ZBTB49: variants seen among roughly 807,000 people sequenced by gnomAD.
The protein encoded by ZBTB49 is zinc finger and BTB domain-containing protein 49.
In ZBTB49, 43 loss-of-function variants were observed where a neutral mutation model predicts 57.5. The observed-to-expected ratio is 0.75, with a 90% CI of 0.59 to 0.97. ZBTB49 has a LOEUF of 0.97. Ranked by LOEUF, ZBTB49 falls within the 50% of genes least tolerant of loss-of-function variation. The pLI, the probability that ZBTB49 is intolerant of heterozygous loss-of-function variation, is 0.00. For synonymous variants in ZBTB49, 369 were observed against 362.1 expected, an observed-to-expected ratio of 1.02 and a Z score of -0.22; for missense variants, 938 against 947.7, an observed-to-expected ratio of 0.99 and a Z score of 0.13.
In ZBTB49 at chr4:4,315,620, T is replaced by A. The variant is rs1234259151; in HGVS notation, c.1377-16T>A. On this transcript the variant is annotated splice_polypyrimidine_tract_variant and intron_variant, in intron 5 of 7. Coordinates refer to ENST00000337872, the MANE Select transcript of ZBTB49 (RefSeq NM_145291.4). ...TGTGGAAAGGCTCTTAATTGAATTT[T>A]CAAATTACATTCTAGGTTTGCAGCC... 2 of 1,612,994 alleles carry A rather than the reference T, an allele frequency of 1.2e-6. No homozygotes were observed. The highest frequency in any genetic ancestry group is 1.7e-6 in the Non-Finnish European group (2 of 1,179,428).
In ZBTB49 at chr4:4,321,481, G is replaced by A. The variant is rs1560119152; in HGVS notation, c.*165G>A. 1 of 805,296 alleles carries A rather than the reference G, an allele frequency of 1.2e-6. No individual in the cohort carries two copies. Among genetic ancestry groups the A allele is most frequent in the East Asian group, 2.7e-5 (1 of 36,820 alleles). 49.9% of individuals were successfully genotyped at this position (805,296 alleles called of 1,614,324 possible). The stretch of plus-strand genomic sequence containing the variant: ...TAATCTGAAGCATCTTGAGCTGGGG[G>A]TGTGAGGGGGAGGGCCTGCTGGCTC... On this transcript the variant is annotated 3_prime_UTR_variant, in exon 8 of 8. Coordinates refer to ENST00000337872, the MANE Select transcript of ZBTB49 (RefSeq NM_145291.4).
At position 4,302,745 on chromosome 4, in the gene ZBTB49, C is replaced by T; in HGVS notation, c.909C>T (p.Leu303=). 1 of 1,613,888 alleles carries T rather than the reference C, an allele frequency of 6.2e-7. No homozygotes were observed. Among genetic ancestry groups the T allele is most frequent in the East Asian group, 2.2e-5 (1 of 44,874 alleles). Residue 303 remains leucine (L), a synonymous_variant, in exon 3 of 8, where the codon CTC becomes CTT. Transcript: ENST00000337872. ...AACAACCTGTCAAGCAGATGAGGCT[C>T]AAAAAGGCCATTCATCTGAAGAAGC... is the stretch of plus-strand genomic sequence containing the variant. ...TCQQPVKQMR[L]KKAIHLKKLN...
chr4:4,298,324 G>A (rs1357898748), intron 1 of ZBTB49, among the ~76,000 whole-genome samples: 1 of 152,174 alleles, frequency 6.6e-6, no homozygotes, highest in Non-Finnish European at 1.5e-5. Context: ...GAAAAGCTTA[G>A]ATTTGGGATT....
At position 4,302,326 on chromosome 4, in the gene ZBTB49, G is replaced by A. The variant is rs1189028357; in HGVS notation, c.490G>A (p.Ala164Thr). 1 of 1,614,218 alleles carries A rather than the reference G, an allele frequency of 6.2e-7. No homozygotes were observed. The highest frequency in any genetic ancestry group is 8.5e-7 in the Non-Finnish European group (1 of 1,180,042). The change falls in exon 3 of 8, where the codon GCA (alanine) becomes ACA (threonine). Residue 164 changes from alanine to threonine, a missense_variant. Around this residue, in one of 3 missense-constraint regions of ZBTB49, gnomAD observed 835 missense variants for 819.1 expected, o/e 1.02. Coordinates refer to ENST00000337872, the MANE Select transcript of ZBTB49 (RefSeq NM_145291.4). The stretch of plus-strand genomic sequence containing the variant: ...TTTACTGCAGGAATGTTCAGCAGAT[G>A]CACAGCAGAACAAAACGTTGGATGA... ...PHLLQECSADAQQNKTLDESH... is the reference protein window; with the variant it reads ...PHLLQECSADTQQNKTLDESH...
rs1553803052 is a variant in ZBTB49, at chr4:4,294,872, C to CGTGTATGTGTGT, written c.-20+4524_-20+4525insATGTGTGTGTGT. The stretch of plus-strand genomic sequence containing the variant: ...TTAACAGGTCTGTGGAGGAGGGTTT[C>CGTGTATGTGTGT]GTGTGTGTGTGTGTGTGTGTGTGTG... On this transcript the variant is annotated intron_variant, in intron 1 of 7. Coordinates refer to ENST00000337872, the MANE Select transcript of ZBTB49 (RefSeq NM_145291.4). Among the ~76,000 whole-genome samples, 489 of 138,128 alleles carry CGTGTATGTGTGT rather than the reference C, an allele frequency of 3.5e-3. 2 individuals are homozygous for CGTGTATGTGTGT. The highest frequency in any genetic ancestry group is 1.0e-2 in the African/African-American group (374 of 37,544). 90.6% of individuals were successfully genotyped at this position (138,128 alleles called of 152,430 possible). A position where few individuals can be genotyped will look rare whatever the true frequency, so the allele number is the denominator to read the frequency against.
rs759220189 is a variant in ZBTB49, at chr4:4,320,789, G to A, written c.1771G>A (p.Glu591Lys). The change falls in exon 8 of 8, where the codon GAG becomes AAG. Residue 591 changes from glutamate to lysine, a missense_variant. Around this residue, in one of 3 missense-constraint regions of ZBTB49, gnomAD observed 835 missense variants for 819.1 expected, o/e 1.02. Coordinates refer to ENST00000337872, the MANE Select transcript of ZBTB49 (RefSeq NM_145291.4). ...HKKMHCKAGD[E>K]SPDVLEELSQ... ...GAAGATGCACTGCAAAGCTGGTGACGAGAGCCCAGATGTGCTGGAGGAGCT... is the reference window on the plus strand; with the variant it reads ...GAAGATGCACTGCAAAGCTGGTGACAAGAGCCCAGATGTGCTGGAGGAGCT... The A allele has an allele frequency of 1.1e-5, 17 of 1,614,046 alleles. No individual in the cohort carries two copies. The highest frequency in any genetic ancestry group is 2.2e-5 in the East Asian group (1 of 44,872).
At chr4:4,296,355 T>C (rs1358056942) in intron 1 of ZBTB49, among the ~76,000 whole-genome samples, 1 of 152,216 alleles carries the variant, frequency 6.6e-6, no homozygotes, top group East Asian at 1.9e-4. Context: ...ACTCCCACAA[T>C]CCCTGCATGT....
chr4:4,319,714 G>T (rs185269392), intron 7 of ZBTB49, among the ~76,000 whole-genome samples: 1 of 151,904 alleles, frequency 6.6e-6, no homozygotes, highest in African/African-American at 2.4e-5. Context: ...CCAGCTACTC[G>T]GGAGGCTGTG....
intron 1 of ZBTB49, among the ~76,000 whole-genome samples, chr4:4,293,789 G>T (rs1207868228): frequency 6.6e-6 from 1 of 152,234 alleles, no homozygotes; most frequent in African/African-American, 2.4e-5. Flanking sequence ...CTCTAGCTGG[G>T]CATCTTACAG....
rs775558990 is a variant in ZBTB49 at position 4,321,026 on chromosome 4, C to CG, written c.2008_2009insG (p.Leu670ArgfsTer7). 6.2e-7 allele frequency: 1 copy of CG among 1,614,202 alleles called. No homozygotes were observed. Among genetic ancestry groups the CG allele is most frequent in the Non-Finnish European group, 8.5e-7 (1 of 1,180,048 alleles). ...TCATGGAGTTAGTGACCAGGAGAAG[C>CG]TGAGTTTGGATCCTGGTAAACTTGC... is the stretch of plus-strand genomic sequence containing the variant. On this transcript the variant is annotated frameshift_variant, in exon 8 of 8. Transcript: ENST00000337872. LOFTEE classifies it low-confidence loss of function (END_TRUNC).
chr4:4,319,865 C>G (rs905644518), intron 7 of ZBTB49, among the ~76,000 whole-genome samples: 1 of 150,856 alleles, frequency 6.6e-6, no homozygotes, highest in Admixed American at 6.6e-5. Context: ...CAAGACCAGC[C>G]TGGCCAACAT....
chr4:4,318,223 C>A (rs925583666), intron 7 of ZBTB49, among the ~76,000 whole-genome samples: 3 of 152,202 alleles, frequency 2.0e-5, no homozygotes, highest in African/African-American at 7.2e-5. Flanking sequence ...TCTGTCATGA[C>A]TAAAAATTTT....
chr4:4,314,896 G>A (rs1036889025), intron 5 of ZBTB49, among the ~76,000 whole-genome samples: 3 of 152,228 alleles, frequency 2.0e-5, no homozygotes, highest in African/African-American at 7.2e-5. Context: ...ATGACTAGAT[G>A]GGATAATGGT....
rs1448156277 is a variant in ZBTB49, at chr4:4,313,130, G to A, written c.1376+16G>A. ...GTGGAAAGAGGTCAGTGCTGGGCGT[G>A]TTCTTCCGTGTGGAAGGGAGCATGT... On this transcript the variant is annotated intron_variant, in intron 5 of 7. Transcript: ENST00000337872. 6.2e-7 allele frequency: 1 copy of A among 1,613,638 alleles called. No individual in the cohort carries two copies. The highest frequency in any genetic ancestry group is 1.7e-5 in the Admixed American group (1 of 59,948).
chr4:4,303,205 A>G, intron 3 of ZBTB49, 114 bp downstream of exon 3: 1 of 1,280,724 alleles, frequency 7.8e-7, no homozygotes, highest in South Asian at 2.2e-5. Flanking sequence ...GTCATTGATG[A>G]TTTTAAACAA....
rs1368739201 is a variant in ZBTB49 at position 4,321,478 on chromosome 4, G to A, written c.*162G>A. 26 of 805,840 alleles carry A rather than the reference G, an allele frequency of 3.2e-5. No homozygotes were observed. The highest frequency in any genetic ancestry group is 4.6e-5 in the Non-Finnish European group (24 of 524,496). 49.9% of individuals were successfully genotyped at this position (805,840 alleles called of 1,614,324 possible). On this transcript the variant is annotated 3_prime_UTR_variant, in exon 8 of 8. Transcript: ENST00000337872. ...TCATAATCTGAAGCATCTTGAGCTG[G>A]GGGTGTGAGGGGGAGGGCCTGCTGG...
chr4:4,290,473 GTC>G (rs1719835111), intron 1 of ZBTB49, 121 bp downstream of exon 1: 1 of 152,384 alleles, frequency 6.6e-6, no homozygotes. Context: ...GCTCCTTCCC[GTC>G]TCTGGGCACT....
chr4:4,314,537 A>C (rs1721108012), intron 5 of ZBTB49, among the ~76,000 whole-genome samples: 1 of 152,104 alleles, frequency 6.6e-6, no homozygotes, highest in African/African-American at 2.4e-5. Flanking sequence ...ATACCCGGTT[A>C]ATTTTTGTAT....
At chr4:4,292,357 A>G (rs1719984492) in intron 1 of ZBTB49, among the ~76,000 whole-genome samples, 1 of 152,220 alleles carries the variant, frequency 6.6e-6, no homozygotes, top group Admixed American at 6.5e-5. Context: ...TCATGAAGAC[A>G]TGGATGACCG....
Sources: gnomAD v4.1 joint callset for allele counts (sites outside exome capture counted in the v4.1 genomes callset) on GRCh38, gnomAD v4.1.1 for gene constraint, gnomAD v4.1.1 regional missense constraint, MANE v1.5 for transcripts, NCBI Gene and HGNC (gene_info 2026-07-23, HGNC 2026-07-21) for gene names.